CDH19: variants seen among roughly 807,000 people sequenced by gnomAD.
The protein encoded by CDH19 is cadherin 19.
A neutral mutation model predicts 64.2 loss-of-function variants in CDH19; 67 were observed. The ratio of observed to expected loss-of-function variants is 1.04; its 90% CI spans 0.86 to 1.28. CDH19 has a LOEUF of 1.28. Ranked by LOEUF, CDH19 falls within the 50% of genes most tolerant of loss-of-function variation. The pLI is 0.00. For synonymous variants in CDH19, 346 were observed against 319.3 expected (o/e 1.08, Z -0.89); for missense variants, 1,030 against 929.0 (o/e 1.11, Z -1.41).
At chr18:66,592,695 T>C (rs1988778589) in intron 1 of CDH19, among the ~76,000 whole-genome samples, 1 of 151,912 alleles carries the variant, frequency 6.6e-6, no homozygotes, top group Non-Finnish European at 1.5e-5. Flanking sequence ...GGTTCATCCA[T>C]GTTGCTGTGA....
chr18:66,516,129 G>A (rs867664393), intron 9 of CDH19, among the ~76,000 whole-genome samples: 7 of 151,876 alleles, frequency 4.6e-5, no homozygotes, highest in East Asian at 3.9e-4. Flanking sequence ...GGGATACATC[G>A]TGGACATATT....
rs938369406 is a variant in CDH19 at position 66,529,784 on chromosome 18, A to C, written c.1458+61T>G. On this transcript the variant is annotated intron_variant, in intron 9 of 11. Coordinates refer to ENST00000262150, the MANE Select transcript of CDH19 (RefSeq NM_021153.4). ...ACAATATTGTATAATATATGAAGAAATTTCATATTATGAAACAATGATATA... is the reference window on the plus strand; with the variant it reads ...ACAATATTGTATAATATATGAAGAACTTTCATATTATGAAACAATGATATA... The C allele has an allele frequency of 3.0e-6, 3 of 993,824 alleles. No homozygotes were observed. The African/African-American group carries it at 5.2e-5, about 17-fold the overall frequency. 61.6% of individuals were successfully genotyped at this position (993,824 alleles called of 1,614,324 possible). A position where few individuals can be genotyped will look rare whatever the true frequency, so the allele number is the denominator to read the frequency against.
rs1984989360 is a variant in CDH19, at chr18:66,502,506, T to C, written c.*2306A>G. 6.6e-6 allele frequency: 1 copy of C among 152,054 alleles called. No homozygotes were observed. Among genetic ancestry groups the C allele is most frequent in the South Asian group, 2.1e-4 (1 of 4,838 alleles). 9.4% of individuals were successfully genotyped at this position (152,054 alleles called of 1,614,324 possible). A position where few individuals can be genotyped will look rare whatever the true frequency, so the allele number is the denominator to read the frequency against. ...ATCTCCAGAAAGCCTTATTTACTTT[T>C]TCTCGTCTATTTTCCATGAATTCTT... On this transcript the variant is annotated 3_prime_UTR_variant, in exon 12 of 12. Transcript: ENST00000262150.
chr18:66,563,809 T>C (rs924157722), intron 3 of CDH19, among the ~76,000 whole-genome samples: 1 of 151,952 alleles, frequency 6.6e-6, no homozygotes, highest in Admixed American at 6.6e-5. Flanking sequence ...GTTCTTCAAA[T>C]TTTTTATTTT....
chr18:66,597,759 A>G (rs780765874), intron 1 of CDH19, among the ~76,000 whole-genome samples: 22 of 152,030 alleles, frequency 1.4e-4, no homozygotes, highest in Non-Finnish European at 2.8e-4. Flanking sequence ...AAAACAAACA[A>G]CCCCATTTAA....
intron 9 of CDH19, among the ~76,000 whole-genome samples, chr18:66,528,835 C>T (rs981951126): frequency 1.3e-5 from 2 of 151,790 alleles, no homozygotes; most frequent in Non-Finnish European, 2.9e-5. Flanking sequence ...CAAATGGTCC[C>T]TGACTAGCTT....
intron 9 of CDH19, among the ~76,000 whole-genome samples, chr18:66,512,197 C>T (rs1026192660): frequency 2.6e-5 from 4 of 151,548 alleles, no homozygotes; most frequent in African/African-American, 9.7e-5. Flanking sequence ...GGGCAATGTA[C>T]ATGATTTCCT....
At chr18:66,588,626 C>CTATATA (rs574404694) in intron 1 of CDH19, among the ~76,000 whole-genome samples, 1 of 113,616 alleles carries the variant, frequency 8.8e-6, no homozygotes, top group Admixed American at 9.3e-5. Flanking sequence ...ATATCTATAT[C>CTATATA]TATATATATA....
chr18:66,581,680 G>A (rs1432592612), intron 1 of CDH19, among the ~76,000 whole-genome samples: 1 of 151,998 alleles, frequency 6.6e-6, no homozygotes, highest in African/African-American at 2.4e-5. Flanking sequence ...TTTGCTGGGG[G>A]CCTCTCAGGC....
intron 1 of CDH19, among the ~76,000 whole-genome samples, chr18:66,573,893 C>CA (rs1988184806): frequency 6.9e-6 from 1 of 145,156 alleles, no homozygotes; most frequent in Non-Finnish European, 1.5e-5. Context: ...ACCACTGAAG[C>CA]CACACACACA....
chr18:66,570,766 AACAGAGATTC>A (rs1988075950), intron 2 of CDH19, among the ~76,000 whole-genome samples: 1 of 151,760 alleles, frequency 6.6e-6, no homozygotes, highest in Non-Finnish European at 1.5e-5. Flanking sequence ...AAAGGAGGTA[AACAGAGATTC>A]ATGTGGGGAG....
At chr18:66,531,406 C>A (rs1274661922) in intron 8 of CDH19, among the ~76,000 whole-genome samples, 1 of 152,136 alleles carries the variant, frequency 6.6e-6, no homozygotes, top group African/African-American at 2.4e-5. Flanking sequence ...AACTTGAACT[C>A]AGGAGTTTGA....
At chr18:66,599,398 C>T (rs1988985483) in intron 1 of CDH19, among the ~76,000 whole-genome samples, 1 of 151,840 alleles carries the variant, frequency 6.6e-6, no homozygotes, top group Non-Finnish European at 1.5e-5. Context: ...TTTACAGAGG[C>T]TGGTGGGGTG....
intron 1 of CDH19, among the ~76,000 whole-genome samples, chr18:66,578,520 C>T (rs1309351035): frequency 6.6e-6 from 1 of 151,780 alleles, no homozygotes; most frequent in Non-Finnish European, 1.5e-5. Flanking sequence ...TCATACACTG[C>T]TAGTGTGAAT....
At chr18:66,516,579 C>T (rs893734780) in intron 9 of CDH19, among the ~76,000 whole-genome samples, 3 of 151,952 alleles carry the variant, frequency 2.0e-5, no homozygotes, top group African/African-American at 4.8e-5. Flanking sequence ...TTCAAGAGGG[C>T]TATATATTCT....
At chr18:66,514,680 T>G (rs1985655007) in intron 9 of CDH19, among the ~76,000 whole-genome samples, 1 of 151,550 alleles carries the variant, frequency 6.6e-6, no homozygotes, top group Non-Finnish European at 1.5e-5. Context: ...TTAAAGATAA[T>G]CAGGAGAATA....
chr18:66,525,699 T>C (rs562011304), intron 9 of CDH19, among the ~76,000 whole-genome samples: 1 of 152,198 alleles, frequency 6.6e-6, no homozygotes, highest in African/African-American at 2.4e-5. Flanking sequence ...CCTCAAACCA[T>C]GTGTCCACTG....
At chr18:66,594,881 G>C (rs1988842172) in intron 1 of CDH19, among the ~76,000 whole-genome samples, 1 of 147,916 alleles carries the variant, frequency 6.8e-6, no homozygotes, top group Non-Finnish European at 1.5e-5. Context: ...GGGAGGGATA[G>C]CATTGGGAGA....
In CDH19 at chr18:66,523,913, CG is replaced by C. The variant is rs1457978994; in HGVS notation, c.1458+5931del. Among the ~76,000 whole-genome samples the C allele has an allele frequency of 1.1e-4, 6 of 55,924 alleles. No homozygotes were observed. The East Asian group carries it at 3.4e-3, about 31-fold the overall frequency. 36.7% of individuals were successfully genotyped at this position (55,924 alleles called of 152,430 possible). A position where few individuals can be genotyped will look rare whatever the true frequency, so the allele number is the denominator to read the frequency against. On this transcript the variant is annotated intron_variant, in intron 9 of 11. Transcript: ENST00000262150. ...GAGAAAAGCTCTCCGGGGGTGGGGG[CG>C]GGGGGGTTGGGGGGCGTAATTCCTG...
Sources: gnomAD v4.1 joint callset for allele counts (sites outside exome capture counted in the v4.1 genomes callset) on GRCh38, gnomAD v4.1.1 for gene constraint, MANE v1.5 for transcripts, NCBI Gene and HGNC (gene_info 2026-07-23, HGNC 2026-07-21) for gene names.